LRRTM4: variants seen among roughly 807,000 people sequenced by gnomAD.
The protein encoded by LRRTM4 is leucine rich repeat transmembrane neuronal 4, also known as leucine-rich repeat transmembrane neuronal protein 4.
LRRTM4 carries 25 observed loss-of-function variants against 47.6 expected under a neutral mutation model. The observed-to-expected ratio is 0.53, with a 90% CI of 0.38 to 0.73. LRRTM4 has a LOEUF of 0.73. Among genes scored for constraint, LRRTM4 ranks in the 30% least tolerant of loss-of-function variants. LRRTM4 has a pLI of 0.00. For missense variants in LRRTM4, 638 were observed against 713.4 expected (o/e 0.89, Z 1.20); for synonymous variants, 311 against 269.5 (o/e 1.15, Z -1.51).
chr2:77,344,944 A>G (rs901815285), intron 3 of LRRTM4, among the ~76,000 whole-genome samples: 9 of 151,672 alleles, frequency 5.9e-5, no homozygotes, highest in African/African-American at 9.7e-5. Flanking sequence ...ATCTATGATC[A>G]ATTCTTTCTA....
intron 3 of LRRTM4, among the ~76,000 whole-genome samples, chr2:76,924,917 C>A (rs1337918518): frequency 1.3e-5 from 2 of 152,022 alleles, no homozygotes; most frequent in African/African-American, 4.8e-5. Flanking sequence ...ACTTTAAAGC[C>A]GGAACCCTTC....
chr2:77,157,476 C>G (rs1330410431), intron 3 of LRRTM4, among the ~76,000 whole-genome samples: 1 of 151,960 alleles, frequency 6.6e-6, no homozygotes, highest in African/African-American at 2.4e-5. Flanking sequence ...TTTCTTGTTT[C>G]TGACTTTAAA....
At chr2:76,792,200 T>C (rs1385019193) in intron 3 of LRRTM4, among the ~76,000 whole-genome samples, 1 of 152,156 alleles carries the variant, frequency 6.6e-6, no homozygotes, top group Non-Finnish European at 1.5e-5. Flanking sequence ...ACTTTACCTG[T>C]AGTATAATTA....
chr2:77,492,277 T>C (rs1460788830), intron 3 of LRRTM4, among the ~76,000 whole-genome samples: 3 of 152,162 alleles, frequency 2.0e-5, no homozygotes, highest in Non-Finnish European at 4.4e-5. Context: ...GTTTCTCTTT[T>C]AGAGATAGGG....
At chr2:76,912,199 G>A (rs527851437) in intron 3 of LRRTM4, among the ~76,000 whole-genome samples, 1 of 152,082 alleles carries the variant, frequency 6.6e-6, no homozygotes. Context: ...GATTACAGGC[G>A]TGAGCCACCG....
chr2:77,515,777 T>C (rs2104115620), intron 3 of LRRTM4, among the ~76,000 whole-genome samples: 1 of 151,982 alleles, frequency 6.6e-6, no homozygotes, highest in Admixed American at 6.6e-5. Context: ...TGGCTCTATT[T>C]TGTAGAGAGA....
chr2:76,893,448 A>C (rs1411787701), intron 3 of LRRTM4, among the ~76,000 whole-genome samples: 1 of 151,758 alleles, frequency 6.6e-6, no homozygotes, highest in Admixed American at 6.6e-5. Context: ...CTAAATAAAT[A>C]ATAAATAATA....
chr2:77,260,810 G>T (rs1217258236), intron 3 of LRRTM4, among the ~76,000 whole-genome samples: 1 of 152,028 alleles, frequency 6.6e-6, no homozygotes, highest in Non-Finnish European at 1.5e-5. Context: ...AAGTCACGCC[G>T]AGCCTGATCA....
intron 3 of LRRTM4, among the ~76,000 whole-genome samples, chr2:76,970,909 A>G (rs1676195046): frequency 6.6e-6 from 1 of 152,014 alleles, no homozygotes; most frequent in African/African-American, 2.4e-5. Flanking sequence ...TACAATTGAA[A>G]TATAATGAGG....
intron 3 of LRRTM4, among the ~76,000 whole-genome samples, chr2:77,083,783 CTTTTTTTTTTTTTTTTTTTTTTTTT>C (rs386390525): frequency 0.013 from 664 of 52,410 alleles, 15 homozygotes; most frequent in Admixed American, 0.024. Flanking sequence ...ACTGGACACA[CTTTTTTTTTTTTTTTTTTTTTTTTT>C]TTTTTTTTTT....
chr2:77,020,975 C>G lies in LRRTM4; in HGVS notation c.1552-272059G>C, dbSNP rs561732726. Among the ~76,000 whole-genome samples, 20 of 152,206 alleles carry G rather than the reference C, an allele frequency of 1.3e-4. No homozygotes were observed. In the East Asian group the frequency reaches 3.7e-3, roughly 28 times the overall value. ...AATGGGAGCTTCTATTACTGTTATC[C>G]TGTATGTGTCTCACCATTATATGCT... On this transcript the variant is annotated intron_variant, in intron 3 of 3. Coordinates refer to ENST00000409884, the MANE Select transcript of LRRTM4 (RefSeq NM_001134745.3).
intron 3 of LRRTM4, among the ~76,000 whole-genome samples, chr2:77,402,536 A>T (rs1187184653): frequency 6.6e-6 from 1 of 151,966 alleles, no homozygotes; most frequent in Non-Finnish European, 1.5e-5. Context: ...GAACATCAGG[A>T]TCTAGTAATG....
intron 3 of LRRTM4, among the ~76,000 whole-genome samples, chr2:76,802,522 C>T (rs1675754282): frequency 6.6e-6 from 1 of 151,920 alleles, no homozygotes; most frequent in Non-Finnish European, 1.5e-5. Context: ...AGAATGGAAA[C>T]CGGAAAAATG....
chr2:77,386,819 G>C (rs572928223), intron 3 of LRRTM4, among the ~76,000 whole-genome samples: 211 of 152,164 alleles, frequency 1.4e-3, no homozygotes, highest in Non-Finnish European at 2.7e-3. Context: ...GAGAGCATTA[G>C]GACAAATACC....
intron 3 of LRRTM4, chr2:77,517,801 T>C: frequency 1.0e-6 from 1 of 981,840 alleles, no homozygotes; most frequent in Non-Finnish European, 1.2e-6. Flanking sequence ...AACATGGGTG[T>C]GAGATCCCTG....
intron 3 of LRRTM4, among the ~76,000 whole-genome samples, chr2:76,948,173 AAGT>A (rs1558756499): frequency 6.6e-6 from 1 of 151,888 alleles, no homozygotes; most frequent in Non-Finnish European, 1.5e-5. Context: ...ATGACAAAAA[AAGT>A]AGGACTGTCT....
intron 3 of LRRTM4, among the ~76,000 whole-genome samples, chr2:76,874,065 G>C (rs1416425286): frequency 6.6e-6 from 1 of 151,334 alleles, no homozygotes; most frequent in Non-Finnish European, 1.5e-5. Flanking sequence ...TAGTATGCTG[G>C]TGTACTTTAT....
At chr2:77,195,079 A>G (rs949469187) in intron 3 of LRRTM4, among the ~76,000 whole-genome samples, 1 of 152,040 alleles carries the variant, frequency 6.6e-6, no homozygotes, top group Non-Finnish European at 1.5e-5. Context: ...TTTAAAACAG[A>G]GGATTTAGAA....
chr2:76,886,154 T>TA (rs1673070071), intron 3 of LRRTM4, among the ~76,000 whole-genome samples: 1 of 152,174 alleles, frequency 6.6e-6, no homozygotes, highest in Non-Finnish European at 1.5e-5. Flanking sequence ...ATTGAGGGGC[T>TA]AAAAGCATTA....
Sources: allele counts gnomAD v4.1 joint callset (sites outside exome capture counted in the v4.1 genomes callset), GRCh38; gene constraint gnomAD v4.1.1; transcripts MANE v1.5; gene names NCBI Gene and HGNC (gene_info 2026-07-23, HGNC 2026-07-21).